C10orf143: variants seen among roughly 807,000 people sequenced by gnomAD.
C10orf143 encodes chromosome 10 open reading frame 143, also known as uncharacterized protein C10orf143.
intron 3 of C10orf143, among the ~76,000 whole-genome samples, chr10:130,054,110 C>T (rs1055023977): frequency 2.0e-5 from 3 of 152,146 alleles, no homozygotes; most frequent in African/African-American, 4.8e-5. Context: ...CAGTGTTGTT[C>T]GCAGATCTCG....
intron 1 of C10orf143, among the ~76,000 whole-genome samples, chr10:130,102,618 ATATC>A (rs748772275): frequency 1.1e-4 from 16 of 152,166 alleles, no homozygotes; most frequent in Non-Finnish European, 2.2e-4. Flanking sequence ...TTTTCTTCAT[ATATC>A]TATCAATTTT....
chr10:130,073,201 G>C (rs1445438140), intron 3 of C10orf143, among the ~76,000 whole-genome samples: 4 of 152,162 alleles, frequency 2.6e-5, no homozygotes, highest in Non-Finnish European at 4.4e-5. Context: ...GGTGGTGGAG[G>C]CATGCCTACA....
At chr10:130,073,071 T>C (rs1262363851) in intron 3 of C10orf143, among the ~76,000 whole-genome samples, 1 of 152,242 alleles carries the variant, frequency 6.6e-6, no homozygotes, top group Non-Finnish European at 1.5e-5. Flanking sequence ...ACTTTGATTC[T>C]ACTGTTTATT....
chr10:130,078,256 A>G (rs1170800991), intron 3 of C10orf143, among the ~76,000 whole-genome samples: 1 of 152,206 alleles, frequency 6.6e-6, no homozygotes, highest in Non-Finnish European at 1.5e-5. Flanking sequence ...CAAAGCAGTA[A>G]GAATCTGTAC....
rs183165640 is a variant in C10orf143, at chr10:130,092,792, A to G, written c.70-12891T>C. The stretch of plus-strand genomic sequence containing the variant: ...TAGTCTCTGATAAAACAGACTTTAA[A>G]CCAATGAAGATCAAAAAAAAGACAA... On this transcript the variant is annotated intron_variant, in intron 1 of 3. Coordinates refer to ENST00000637128, the MANE Select transcript of C10orf143 (RefSeq NM_001355042.2). Among the ~76,000 whole-genome samples the G allele has an allele frequency of 1.3e-3, 197 of 152,282 alleles. 1 individual carries two copies. The highest frequency in any genetic ancestry group is 4.3e-3 in the African/African-American group (180 of 41,548).
In C10orf143 at chr10:130,110,776, G is replaced by A. The variant is rs1460390326; in HGVS notation, c.-4C>T. ...GGCCGAGCGCTAAGCTGTCCATGCA[G>A]CCCCAGGGTCAAACCCTCCCGGCAT... On this transcript the variant is annotated 5_prime_UTR_variant, in exon 1 of 4. Coordinates refer to ENST00000637128, the MANE Select transcript of C10orf143 (RefSeq NM_001355042.2). The A allele has an allele frequency of 5.0e-6, 2 of 398,866 alleles. No individual in the cohort carries two copies. The highest frequency in any genetic ancestry group is 8.8e-6 in the Non-Finnish European group (2 of 226,184). 24.7% of individuals were successfully genotyped at this position (398,866 alleles called of 1,614,324 possible).
rs1861175657 is a variant in C10orf143, at chr10:130,079,757, G to A, written c.214C>T (p.Gln72Ter). 2.5e-6 allele frequency: 1 copy of A among 398,630 alleles called. No homozygotes were observed. 24.7% of individuals were successfully genotyped at this position (398,630 alleles called of 1,614,324 possible). A position where few individuals can be genotyped will look rare whatever the true frequency, so the allele number is the denominator to read the frequency against. The stretch of plus-strand genomic sequence containing the variant: ...CATACCCCTGTACTTAGCCTCCCCT[G>A]GCCACTCTCTGGCCTTGGTGCTGGG... ...CLPAPRPESG[Q>*]GRLSTGISQN... The change falls in exon 2 of 4, where the codon CAG (glutamine) becomes TAG (stop). Residue 72 changes from glutamine (Q) to a stop codon, truncating the protein, a stop_gained. Transcript: ENST00000637128. LOFTEE classifies it high-confidence loss of function.
intron 1 of C10orf143, among the ~76,000 whole-genome samples, chr10:130,100,626 A>G (rs1274944987): frequency 2.6e-5 from 4 of 152,204 alleles, no homozygotes; most frequent in African/African-American, 9.7e-5. Flanking sequence ...CAAAACACGG[A>G]AGATATTTTT....
intron 3 of C10orf143, among the ~76,000 whole-genome samples, chr10:130,069,442 A>C (rs1187987119): frequency 2.0e-5 from 3 of 152,256 alleles, no homozygotes; most frequent in Non-Finnish European, 2.9e-5. Flanking sequence ...GATGAAATAC[A>C]GAACACTAGA....
chr10:130,094,142 C>G (rs1432555788), intron 1 of C10orf143, among the ~76,000 whole-genome samples: 1 of 152,132 alleles, frequency 6.6e-6, no homozygotes, highest in Non-Finnish European at 1.5e-5. Flanking sequence ...TGGATACATT[C>G]CTGGATACAT....
rs1262505010 is a variant in C10orf143 at position 130,065,266 on chromosome 10, C to T, written c.298-883G>A. On this transcript the variant is annotated intron_variant, in intron 3 of 3. Transcript: ENST00000637128. This position sits in a 1 kb window ranked among gnomAD's most constrained non-coding sequence, Gnocchi z 4.2. The stretch of plus-strand genomic sequence containing the variant: ...GACAGCAGAGTACTGACGTCAGATA[C>T]TGATGGCTCCTTCGAGTGATCAGAA... The T allele has an allele frequency of 6.6e-6, 1 of 152,236 alleles. No homozygotes were observed. Among genetic ancestry groups the T allele is most frequent in the Non-Finnish European group, 1.5e-5 (1 of 68,080 alleles). The allele number at this position is 152,236 out of a possible 1,614,324, so 9.4% of individuals were successfully genotyped here.
intron 3 of C10orf143, among the ~76,000 whole-genome samples, chr10:130,042,043 A>G (rs549375906): frequency 1.2e-4 from 18 of 152,262 alleles, no homozygotes; most frequent in African/African-American, 3.9e-4. Context: ...CCAAATATGC[A>G]CTTGTGTACA....
chr10:130,050,428 C>T (rs904506486), intron 3 of C10orf143, among the ~76,000 whole-genome samples: 3 of 152,208 alleles, frequency 2.0e-5, no homozygotes, highest in Non-Finnish European at 1.5e-5. Flanking sequence ...TGGCAGCGTG[C>T]GCCTGTGGTC....
intron 1 of C10orf143, chr10:130,108,461 T>C (rs768021879): frequency 2.2e-5 from 17 of 780,768 alleles, no homozygotes; most frequent in Non-Finnish European, 3.8e-5. Context: ...CTGGCAATAT[T>C]TTTGCTCTCT....
At chr10:130,047,399 T>TG (rs1180325559) in intron 3 of C10orf143, among the ~76,000 whole-genome samples, 1 of 152,208 alleles carries the variant, frequency 6.6e-6, no homozygotes, top group Non-Finnish European at 1.5e-5. Flanking sequence ...GCACAGGGCT[T>TG]GGGGCGGGAG....
downstream of C10orf143, among the ~76,000 whole-genome samples, chr10:130,060,637 C>A (rs1215338404): frequency 4.0e-5 from 6 of 149,524 alleles, no homozygotes; most frequent in Non-Finnish European, 7.4e-5. Flanking sequence ...TCCTGGCTAA[C>A]ACGGTGAAAC....
intron 3 of C10orf143, among the ~76,000 whole-genome samples, chr10:130,042,928 T>G (rs1252824785): frequency 6.6e-6 from 1 of 152,222 alleles, no homozygotes; most frequent in Non-Finnish European, 1.5e-5. Flanking sequence ...CCCTTATCTG[T>G]TAAAGACACA....
At chr10:130,085,001 T>G (rs920605614) in intron 1 of C10orf143, among the ~76,000 whole-genome samples, 4 of 152,134 alleles carry the variant, frequency 2.6e-5, no homozygotes, top group African/African-American at 9.7e-5. Context: ...ATCCACAGAA[T>G]AAAGTAAATG....
At chr10:130,087,089 C>T (rs1861302577) in intron 1 of C10orf143, among the ~76,000 whole-genome samples, 1 of 152,144 alleles carries the variant, frequency 6.6e-6, no homozygotes, top group Admixed American at 6.5e-5. Flanking sequence ...TGGCACTCAG[C>T]CAGCACAGTG....
Sources: gnomAD v4.1 joint callset for allele counts (sites outside exome capture counted in the v4.1 genomes callset) on GRCh38, gnomAD v4.1.1 for gene constraint, Gnocchi (gnomAD v3.1) non-coding constraint, MANE v1.5 for transcripts, NCBI Gene and HGNC (gene_info 2026-07-23, HGNC 2026-07-21) for gene names.